DICER1: variants seen among roughly 807,000 people sequenced by gnomAD.
The protein encoded by DICER1 is dicer 1, ribonuclease III.
DICER1 carries 43 observed loss-of-function variants against 194.1 expected under a neutral mutation model. The observed-to-expected ratio is 0.22, with a 90% CI of 0.17 to 0.29. DICER1 has a LOEUF of 0.29. Ranked by LOEUF, DICER1 falls within the 10% of genes least tolerant of loss-of-function variation. The pLI, the probability that DICER1 is intolerant of heterozygous loss-of-function variation, is 1.00. For missense variants in DICER1, 1,608 were observed against 2,317.0 expected, an observed-to-expected ratio of 0.69 and a Z score of 6.28; for synonymous variants, 832 against 820.5, an observed-to-expected ratio of 1.01 and a Z score of -0.24.
At chr14:95,118,341 T>C (rs901022536) in intron 8 of DICER1, among the ~76,000 whole-genome samples, 3 of 152,174 alleles carry the variant, frequency 2.0e-5, no homozygotes, top group Non-Finnish European at 2.9e-5. Flanking sequence ...CTGATATCAT[T>C]AGAAGCAGAG....
At position 95,149,122 on chromosome 14, in the gene DICER1, C is replaced by T. The variant is rs139996893; in HGVS notation, c.-46+8108G>A. Reference sequence around the variant, plus strand: ...GAGTGCTAGAATTTTATTCAATTCACGACTACCCTCTACCTTTACACCAAG... The same window carrying T: ...GAGTGCTAGAATTTTATTCAATTCATGACTACCCTCTACCTTTACACCAAG... On this transcript the variant is annotated intron_variant, in intron 1 of 26. Transcript: ENST00000343455. 1.9e-3 allele frequency among the ~76,000 whole-genome samples: 291 copies of T among 152,174 alleles called. 1 individual carries two copies. Among genetic ancestry groups the T allele is most frequent in the African/African-American group, 6.3e-3 (263 of 41,522 alleles).
At chr14:95,122,959 C>CACAAAG (rs147100923) in intron 8 of DICER1, among the ~76,000 whole-genome samples, 3 of 149,324 alleles carry the variant, frequency 2.0e-5, no homozygotes, top group African/African-American at 7.5e-5. Context: ...CACACACACA[C>CACAAAG]AAAGAAAGAA....
chr14:95,111,214 G>C (rs1891923133), intron 14 of DICER1, 103 bp downstream of exon 14: 1 of 1,380,256 alleles, frequency 7.2e-7, no homozygotes, highest in Non-Finnish European at 1.0e-6. Flanking sequence ...GGGCCAAACT[G>C]TAAGGGTGTG....
chr14:95,095,159 AT>A (rs922132170), intron 23 of DICER1, among the ~76,000 whole-genome samples: 14 of 152,252 alleles, frequency 9.2e-5, no homozygotes, highest in Middle Eastern at 3.4e-3. Context: ...TCAGGCACTT[AT>A]TTTTCTGATA....
Position 95,099,850 on chromosome 14 carries a change from T to C in DICER1, c.4136A>G (p.Asn1379Ser). Residue 1379 changes from asparagine (N) to serine (S), a missense_variant, in exon 22 of 27, where the codon AAT (asparagine) becomes AGT (serine). Physicochemically the swap from Asn to Ser is conservative, Grantham distance 46 (BLOSUM62 1). Transcript: ENST00000343455. ...MVVSIFDPPV[N>S]WLPPGYVVNQ... is the part of the protein sequence containing the mutation. ...TACTACATAACCAGGAGGAAGCCAATTCACAGGGGGATCAAATATTGACAC... is the reference window on the plus strand; with the variant it reads ...TACTACATAACCAGGAGGAAGCCAACTCACAGGGGGATCAAATATTGACAC... 1 of 1,613,862 alleles carries C rather than the reference T, an allele frequency of 6.2e-7. No individual in the cohort carries two copies. The highest frequency in any genetic ancestry group is 8.5e-7 in the Non-Finnish European group (1 of 1,179,934).
chr14:95,141,191 T>TA (rs1894806593), intron 1 of DICER1: 1 of 152,192 alleles, frequency 6.6e-6, no homozygotes, highest in Admixed American at 6.5e-5. Context: ...AGTAACTCTT[T>TA]AACACAGGTA....
rs1447007375 is a variant in DICER1 at position 95,090,443 on chromosome 14, T to G, written c.*55A>C. 4 of 1,588,256 alleles carry G rather than the reference T, an allele frequency of 2.5e-6. No individual in the cohort carries two copies. Among genetic ancestry groups the G allele is most frequent in the African/African-American group, 1.3e-5 (1 of 74,306 alleles). On this transcript the variant is annotated 3_prime_UTR_variant, in exon 27 of 27. Transcript: ENST00000343455. ...AAGTCTTCCTTTCCGATTTAAATAA[T>G]TTTCCCCTTAATTTTTTTTGTTTTG...
chr14:95,133,587 T>C (rs780646863), intron 1 of DICER1, 84 bp from the exon 2 acceptor site: 14 of 1,014,488 alleles, frequency 1.4e-5, no homozygotes, highest in Admixed American at 2.0e-5. Context: ...AACATCAGAA[T>C]ATCATTCCTA....
chr14:95,107,916 C>G lies in DICER1; in HGVS notation c.2614G>C (p.Ala872Pro). ...KPALEFKPTDADSAYCVLPLN... is the reference protein window; with the variant it reads ...KPALEFKPTDPDSAYCVLPLN... ...GGTAGAACACAGTATGCTGAATCAGCGTCTGTAGGTTTAAATTCTAGTGCA... is the reference window on the plus strand; with the variant it reads ...GGTAGAACACAGTATGCTGAATCAGGGTCTGTAGGTTTAAATTCTAGTGCA... Residue 872 changes from alanine to proline, a missense_variant, in exon 16 of 27, where the codon GCT (alanine) becomes CCT (proline). By Grantham distance (27) the Ala-to-Pro change is conservative. Coordinates refer to ENST00000343455, the MANE Select transcript of DICER1 (RefSeq NM_177438.3). The G allele has an allele frequency of 6.2e-7, 1 of 1,613,982 alleles. No individual in the cohort carries two copies. The highest frequency in any genetic ancestry group is 8.5e-7 in the Non-Finnish European group (1 of 1,179,938).
chr14:95,155,887 C>T (rs947191924), intron 1 of DICER1, among the ~76,000 whole-genome samples: 2 of 152,108 alleles, frequency 1.3e-5, no homozygotes, highest in African/African-American at 2.4e-5. Flanking sequence ...TATGTATGTG[C>T]ATGTACACAG....
At position 95,103,610 on chromosome 14, in the gene DICER1, A is replaced by G. The variant is rs773058002; in HGVS notation, c.3786T>C (p.Pro1262=). 1 of 1,614,220 alleles carries G rather than the reference A, an allele frequency of 6.2e-7. No individual in the cohort carries two copies. Among genetic ancestry groups the G allele is most frequent in the Non-Finnish European group, 8.5e-7 (1 of 1,180,024 alleles). ...SDGSPVMAVM[P]GTTDTIQVLK... ...GCACTTGAATAGTGTCTGTCGTACC[A>G]GGCATTACGGCCATCACAGGACTTC... The change falls in exon 21 of 27, where the codon CCT becomes CCC. Residue 1262 remains proline (P), a synonymous_variant. Coordinates refer to ENST00000343455, the MANE Select transcript of DICER1 (RefSeq NM_177438.3).
Position 95,103,394 on chromosome 14 carries a change from A to G in DICER1, c.4002T>C (p.Thr1334=). ...KHAITTYLFC[T]YPDAHEGRLS... ...GGCGGCCCTCATGCGCATCAGGGTA[A>G]GTGCAAAATAGATATGTGGTGATGG... Residue 1334 remains threonine (T), a synonymous_variant, in exon 21 of 27, where the codon ACT becomes ACC. Coordinates refer to ENST00000343455, the MANE Select transcript of DICER1 (RefSeq NM_177438.3). 6.2e-7 allele frequency: 1 copy of G among 1,614,200 alleles called. No individual in the cohort carries two copies. The highest frequency in any genetic ancestry group is 8.5e-7 in the Non-Finnish European group (1 of 1,180,030).
chr14:95,155,198 G>A (rs773427671), intron 1 of DICER1, among the ~76,000 whole-genome samples: 2 of 152,156 alleles, frequency 1.3e-5, no homozygotes, highest in African/African-American at 4.8e-5. Context: ...GAGAATGTAC[G>A]TAGAACCTGA....
At chr14:95,146,069 A>T (rs1480956930) in intron 1 of DICER1, among the ~76,000 whole-genome samples, 1 of 152,260 alleles carries the variant, frequency 6.6e-6, no homozygotes, top group East Asian at 1.9e-4. Context: ...GTTTATAATG[A>T]ACAAAAATGC....
chr14:95,147,650 T>C (rs1408392865), intron 1 of DICER1, among the ~76,000 whole-genome samples: 4 of 152,330 alleles, frequency 2.6e-5, no homozygotes, highest in Non-Finnish European at 2.9e-5. Flanking sequence ...GGACACCAGC[T>C]GGGTGTCTTC....
At chr14:95,152,014 C>T (rs993490644) in intron 1 of DICER1, among the ~76,000 whole-genome samples, 1 of 152,192 alleles carries the variant, frequency 6.6e-6, no homozygotes, top group African/African-American at 2.4e-5. Context: ...TTCAAGTTCT[C>T]TAAGTACAAC....
chr14:95,099,758 ACACACACACAC>A lies in DICER1; in HGVS notation c.4206+11_4206+21del, dbSNP rs755560551. On this transcript the variant is annotated intron_variant, in intron 22 of 26. Transcript: ENST00000343455. The stretch of plus-strand genomic sequence containing the variant: ...CACACACACACACACACACACACAC[ACACACACACAC>A]ACAAACTTACCATTTCATCTTTTTC... The A allele has an allele frequency of 2.0e-5, 32 of 1,600,576 alleles. No homozygotes were observed. The highest frequency in any genetic ancestry group is 8.4e-5 in the Admixed American group (5 of 59,552).
intron 24 of DICER1, among the ~76,000 whole-genome samples, chr14:95,092,506 TA>T (rs1380795653): frequency 6.6e-6 from 1 of 152,262 alleles, no homozygotes; most frequent in East Asian, 1.9e-4. Flanking sequence ...GCTGATTACT[TA>T]AAAAAACAGA....
At chr14:95,129,285 A>C (rs1893741271) in intron 6 of DICER1, 187 bp downstream of exon 6, 1 of 579,332 alleles carries the variant, frequency 1.7e-6, no homozygotes, top group Admixed American at 3.0e-5. Context: ...CTCTCTGTGG[A>C]AACAACGTTA....
Sources: gnomAD v4.1 joint callset for allele counts (sites outside exome capture counted in the v4.1 genomes callset) on GRCh38, gnomAD v4.1.1 for gene constraint, MANE v1.5 for transcripts, NCBI Gene and HGNC (gene_info 2026-07-23, HGNC 2026-07-21) for gene names.